The following BEND7 variants were observed in gnomAD, a reference collection of about 807,000 sequenced individuals.
BEND7 encodes the protein BEN domain-containing protein 7.
Under a neutral mutation model 50.9 loss-of-function variants are expected in BEND7, and 28 were observed. The ratio of observed to expected loss-of-function variants is 0.55; its 90% CI spans 0.41 to 0.75. BEND7 has a LOEUF of 0.75. Among genes scored for constraint, BEND7 ranks in the 30% least tolerant of loss-of-function variants. BEND7 has a pLI of 0.00. For missense variants in BEND7, 477 were observed against 491.3 expected (o/e 0.97, Z 0.28); for synonymous variants, 170 against 183.9 (o/e 0.92, Z 0.61).
chr10:13,472,627 G>A (rs989863327), intron 6 of BEND7, among the ~76,000 whole-genome samples: 11 of 150,440 alleles, frequency 7.3e-5, no homozygotes, highest in South Asian at 2.1e-4. Flanking sequence ...ATTGATACCC[G>A]TCATCGCTCT....
chr10:13,476,907 G>T (rs1035816603), intron 6 of BEND7, among the ~76,000 whole-genome samples: 3 of 152,138 alleles, frequency 2.0e-5, no homozygotes, highest in Admixed American at 6.5e-5. Flanking sequence ...GCAATACCTT[G>T]AGTCATACTT....
intron 8 of BEND7, chr10:13,444,564 A>G (rs1007491599): frequency 2.6e-5 from 4 of 152,250 alleles, no homozygotes; most frequent in African/African-American, 9.6e-5. Flanking sequence ...GAGAGTCTGT[A>G]TCAGAGCCCT....
chr10:13,441,297 AT>A lies in BEND7; in HGVS notation c.*445del, dbSNP rs141062105. ...ATTGAGACATTATCCATAGATATGGATTTTTTTTTTGCTAAGAAAGCCTATA... is the reference window on the plus strand; with the variant it reads ...ATTGAGACATTATCCATAGATATGGATTTTTTTTTGCTAAGAAAGCCTATA... On this transcript the variant is annotated 3_prime_UTR_variant, in exon 9 of 9. Coordinates refer to ENST00000466271, the MANE Select transcript of BEND7 (RefSeq NM_001369863.1). The A allele has an allele frequency of 1.8e-3, 1,573 of 891,656 alleles. No individual in the cohort carries two copies. The highest frequency in any genetic ancestry group is 4.7e-3 in the Middle Eastern group (8 of 1,720). 55.2% of individuals were successfully genotyped at this position (891,656 alleles called of 1,614,324 possible).
Position 13,441,489 on chromosome 10 carries a change from T to C in BEND7, c.*254A>G. ...ACAAGCTCCACCCGTCCTCAAGTGC[T>C]GAACACCCCAAGCTGTGGCCCCGCC... On this transcript the variant is annotated 3_prime_UTR_variant, in exon 9 of 9. Coordinates refer to ENST00000466271, the MANE Select transcript of BEND7 (RefSeq NM_001369863.1). The C allele has an allele frequency of 1.5e-6, 2 of 1,346,660 alleles. No individual in the cohort carries two copies. Among genetic ancestry groups the C allele is most frequent in the Middle Eastern group, 5.5e-4 (2 of 3,620 alleles). The allele number at this position is 1,346,660 out of a possible 1,614,324, so 83.4% of individuals were successfully genotyped here. A position where few individuals can be genotyped will look rare whatever the true frequency, so the allele number is the denominator to read the frequency against.
intron 7 of BEND7, among the ~76,000 whole-genome samples, chr10:13,449,490 T>A (rs1837214074): frequency 6.6e-6 from 1 of 152,198 alleles, no homozygotes; most frequent in Non-Finnish European, 1.5e-5. Context: ...AGCTAGTAAG[T>A]AACAATGCCA....
chr10:13,486,029 G>A (rs1000637449), intron 5 of BEND7, among the ~76,000 whole-genome samples: 12 of 152,066 alleles, frequency 7.9e-5, no homozygotes, highest in African/African-American at 9.7e-5. Context: ...CTACAAGTGC[G>A]TGGCCAGTTA....
chr10:13,452,257 C>A (rs530434249), intron 7 of BEND7, among the ~76,000 whole-genome samples: 1 of 152,090 alleles, frequency 6.6e-6, no homozygotes, highest in Non-Finnish European at 1.5e-5. Flanking sequence ...AAGAGAGAAC[C>A]GGTTTTCATA....
At chr10:13,439,152 C>G (rs1835046455), downstream of BEND7, 1 of 1,569,380 alleles carries the variant, frequency 6.4e-7, no homozygotes, top group Non-Finnish European at 8.7e-7. Context: ...TACACACACA[C>G]ATAAATAAGC....
intron 6 of BEND7, among the ~76,000 whole-genome samples, chr10:13,479,279 G>A (rs1451049369): frequency 6.6e-6 from 1 of 152,062 alleles, no homozygotes; most frequent in Non-Finnish European, 1.5e-5. Flanking sequence ...AAAGTGCAGG[G>A]ATTACAGGTT....
At chr10:13,475,807 T>C (rs1425163430) in intron 6 of BEND7, among the ~76,000 whole-genome samples, 1 of 152,242 alleles carries the variant, frequency 6.6e-6, no homozygotes, top group Non-Finnish European at 1.5e-5. Flanking sequence ...TGCTGCAAAA[T>C]GGCTTTGGAG....
At chr10:13,466,159 C>T (rs983999086) in intron 6 of BEND7, among the ~76,000 whole-genome samples, 1 of 151,314 alleles carries the variant, frequency 6.6e-6, no homozygotes, top group African/African-American at 2.4e-5. Context: ...ATGGTTACGT[C>T]GTATTTACTA....
chr10:13,474,068 A>G (rs1334586996), intron 6 of BEND7, among the ~76,000 whole-genome samples: 1 of 150,672 alleles, frequency 6.6e-6, no homozygotes, highest in Non-Finnish European at 1.5e-5. Context: ...GTCGATACCC[A>G]TCATCACTGT....
intron 2 of BEND7, among the ~76,000 whole-genome samples, chr10:13,522,299 T>C (rs80325580): frequency 0.022 from 3,399 of 152,348 alleles, 61 homozygotes; most frequent in Non-Finnish European, 0.035. Flanking sequence ...AAAATCCTTC[T>C]AAAAGTGCCC....
chr10:13,447,219 G>A (rs1460771467), intron 8 of BEND7, 47 bp downstream of exon 8: 1 of 1,590,756 alleles, frequency 6.3e-7, no homozygotes, highest in Non-Finnish European at 8.6e-7. Context: ...AGTTTTGTGG[G>A]CTGTATTTTC....
chr10:13,459,098 G>A (rs1224727640), intron 6 of BEND7, among the ~76,000 whole-genome samples: 1 of 152,168 alleles, frequency 6.6e-6, no homozygotes, highest in Admixed American at 6.5e-5. Context: ...ACGCAGTGAC[G>A]GTACAAGAAA....
Position 13,447,306 on chromosome 10 carries a change from G to A in BEND7, c.1194C>T (p.Asp398=), listed in dbSNP as rs777458706. 1.9e-6 allele frequency: 3 copies of A among 1,613,936 alleles called. No individual in the cohort carries two copies. The highest frequency in any genetic ancestry group is 2.5e-6 in the Non-Finnish European group (3 of 1,180,008). Residue 398 remains aspartate (D), a synonymous_variant, in exon 8 of 9, where the codon GAC becomes GAT. Coordinates refer to ENST00000466271, the MANE Select transcript of BEND7 (RefSeq NM_001369863.1). ...RRLKRGSEIA[D]SDERLDGIAL... ...CAATGCCGTCCAGTCTTTCATCACT[G>A]TCCGCGATCTCTGCTGGTTACAAAC...
At chr10:13,466,744 T>C (rs953570303) in intron 6 of BEND7, among the ~76,000 whole-genome samples, 2 of 151,908 alleles carry the variant, frequency 1.3e-5, no homozygotes, top group Non-Finnish European at 2.9e-5. Flanking sequence ...TCCCTCCACA[T>C]GTTACTGGGC....
chr10:13,494,985 T>C (rs749068066), intron 4 of BEND7, among the ~76,000 whole-genome samples: 17 of 152,222 alleles, frequency 1.1e-4, no homozygotes, highest in Non-Finnish European at 1.8e-4. Context: ...TTGGAATCGT[T>C]TACCTCCCTA....
chr10:13,509,903 T>G (rs544039831), intron 2 of BEND7, among the ~76,000 whole-genome samples: 4 of 152,232 alleles, frequency 2.6e-5, no homozygotes, highest in Non-Finnish European at 4.4e-5. Flanking sequence ...AACTACTCAG[T>G]GAATTCAAAG....
Sources: gnomAD v4.1 joint callset for allele counts (sites outside exome capture counted in the v4.1 genomes callset) on GRCh38, gnomAD v4.1.1 for gene constraint, MANE v1.5 for transcripts, NCBI Gene and HGNC (gene_info 2026-07-23, HGNC 2026-07-21) for gene names.